The following CECR2 variants were observed in gnomAD, a reference collection of about 807,000 sequenced individuals.
CECR2 encodes the protein chromatin remodeling regulator CECR2.
A neutral mutation model predicts 154.5 loss-of-function variants in CECR2; 30 were observed. The ratio of observed to expected loss-of-function variants is 0.19; its 90% CI spans 0.15 to 0.26. CECR2 has a LOEUF of 0.26. Ranked by LOEUF, CECR2 falls within the 10% of genes least tolerant of loss-of-function variation. CECR2 has a pLI of 1.00. For synonymous variants in CECR2, 725 were observed against 683.7 expected, an observed-to-expected ratio of 1.06 and a Z score of -0.94; for missense variants, 1,743 against 1,829.3, an observed-to-expected ratio of 0.95 and a Z score of 0.86.
At position 17,549,350 on chromosome 22, in the gene CECR2, G is replaced by GC; in HGVS notation, c.4065dup (p.Ser1356GlnfsTer56). ...GCCTCCCTATACCCCTCAGCGGCCG[G>GC]CCAGTCACTTTCAGCCCAGGGCTTA... is the stretch of plus-strand genomic sequence containing the variant. On this transcript the variant is annotated frameshift_variant, in exon 17 of 19. Coordinates refer to ENST00000262608, the MANE Select transcript of CECR2 (RefSeq NM_001290047.2). LOFTEE classifies it high-confidence loss of function. The GC allele has an allele frequency of 6.2e-7, 1 of 1,613,906 alleles. No individual in the cohort carries two copies. Among genetic ancestry groups the GC allele is most frequent in the Non-Finnish European group, 8.5e-7 (1 of 1,179,870 alleles).
chr22:17,415,226 TCTC>T (rs916911321), intron 1 of CECR2, among the ~76,000 whole-genome samples: 8 of 151,980 alleles, frequency 5.3e-5, no homozygotes, highest in African/African-American at 1.7e-4. Context: ...CTTCTCTTCT[TCTC>T]CTTCTTTGTT....
Position 17,539,530 on chromosome 22 carries a change from G to A in CECR2, c.1495+411G>A, listed in dbSNP as rs187444478. ...CCTGTTGTGAGGTGGGGGAAGAGGGGAGGGATAGCATTAGGAGATACATAT... is the reference window on the plus strand; with the variant it reads ...CCTGTTGTGAGGTGGGGGAAGAGGGAAGGGATAGCATTAGGAGATACATAT... On this transcript the variant is annotated intron_variant, in intron 13 of 18. Coordinates refer to ENST00000262608, the MANE Select transcript of CECR2 (RefSeq NM_001290047.2). 2.0e-5 allele frequency among the ~76,000 whole-genome samples: 3 copies of A among 152,234 alleles called. No homozygotes were observed. The East Asian group carries it at 5.8e-4, about 29-fold the overall frequency.
chr22:17,482,272 A>T (rs1297003650), intron 2 of CECR2, among the ~76,000 whole-genome samples: 1 of 150,448 alleles, frequency 6.6e-6, no homozygotes, highest in Non-Finnish European at 1.5e-5. Context: ...AAAATACAAA[A>T]AATTAGCCGG....
At chr22:17,539,210 C>A (rs2056483809) in intron 13 of CECR2, 91 bp downstream of exon 13, 6 of 1,408,832 alleles carry the variant, frequency 4.3e-6, no homozygotes, top group Non-Finnish European at 5.9e-6. Flanking sequence ...AGTGCCTTTT[C>A]TGTAGGACAG....
rs367797204 is a variant in CECR2, at chr22:17,549,344, C to T, written c.4057C>T (p.Arg1353Trp). The stretch of plus-strand genomic sequence containing the variant: ...GACGGGGCCTCCCTATACCCCTCAG[C>T]GGCCGGCCAGTCACTTTCAGCCCAG... ...LQTGPPYTPQ[R>W]PASHFQPRAY... Residue 1353 changes from arginine to tryptophan, a missense_variant, in exon 17 of 19, where the codon CGG becomes TGG. By Grantham distance (101) the Arg-to-Trp change is moderately radical. Transcript: ENST00000262608. The T allele has an allele frequency of 1.5e-4, 239 of 1,613,804 alleles. No homozygotes were observed. The highest frequency in any genetic ancestry group is 1.9e-4 in the Non-Finnish European group (225 of 1,179,880).
chr22:17,550,286 T>C, intron 17 of CECR2: 1 of 187,914 alleles, frequency 5.3e-6, no homozygotes, highest in South Asian at 9.9e-5. Flanking sequence ...TAGCTGGGAT[T>C]ACAGGTGCCC....
At chr22:17,495,163 AC>A (rs1196123533) in intron 2 of CECR2, among the ~76,000 whole-genome samples, 2 of 152,148 alleles carry the variant, frequency 1.3e-5, no homozygotes, top group African/African-American at 4.8e-5. Context: ...ATAAGAAAAA[AC>A]TTTTCACATC....
rs945590182 is a variant in CECR2 at position 17,543,801 on chromosome 22, C to T, written c.2860+798C>T. Among the ~76,000 whole-genome samples the T allele has an allele frequency of 2.6e-5, 4 of 152,016 alleles. No individual in the cohort carries two copies. The East Asian group carries it at 5.8e-4, about 22-fold the overall frequency. On this transcript the variant is annotated intron_variant, in intron 16 of 18. Coordinates refer to ENST00000262608, the MANE Select transcript of CECR2 (RefSeq NM_001290047.2). ...TCTTGAACGTCTGACCTCAGGTGAT[C>T]GCCTGCCTTGGCCTCCCAAAGTGCT... is the stretch of plus-strand genomic sequence containing the variant.
In CECR2 at chr22:17,553,876, T is replaced by C. The variant is rs1475618903; in HGVS notation, c.*1036T>C. On this transcript the variant is annotated 3_prime_UTR_variant, in exon 19 of 19. Transcript: ENST00000262608. ...CACAGCTTTCTGGCACGAATCACAT[T>C]TTGTGGAAGTGACTACTCAGGTTTG... 6 of 152,210 alleles carry C rather than the reference T, an allele frequency of 3.9e-5. No individual in the cohort carries two copies. Among genetic ancestry groups the C allele is most frequent in the Non-Finnish European group, 1.5e-5 (1 of 68,032 alleles). 9.4% of individuals were successfully genotyped at this position (152,210 alleles called of 1,614,324 possible). A position where few individuals can be genotyped will look rare whatever the true frequency, so the allele number is the denominator to read the frequency against.
intron 1 of CECR2, among the ~76,000 whole-genome samples, chr22:17,393,843 CTGTT>C (rs1257158985): frequency 6.6e-6 from 1 of 150,698 alleles, no homozygotes; most frequent in Non-Finnish European, 1.5e-5. Context: ...AAAAAATGGG[CTGTT>C]TGTATTTTCA....
rs759976438 is a variant in CECR2, at chr22:17,477,556, G to C, written c.127-32G>C. 2.8e-6 allele frequency: 4 copies of C among 1,440,528 alleles called. No homozygotes were observed. The African/African-American group carries it at 5.6e-5, about 20-fold the overall frequency. 89.2% of individuals were successfully genotyped at this position (1,440,528 alleles called of 1,614,324 possible). On this transcript the variant is annotated intron_variant, in intron 1 of 18. Transcript: ENST00000262608. ...TGTGTATTTTAAGAAATCTCTGTTT[G>C]ATTTCTCAACTTCCCTCTCTCCCTC...
intron 1 of CECR2, among the ~76,000 whole-genome samples, chr22:17,393,767 T>C (rs1252531041): frequency 1.3e-5 from 2 of 152,230 alleles, no homozygotes; most frequent in Non-Finnish European, 1.5e-5. Context: ...TTGAGCACCT[T>C]TTCATGTGTT....
At chr22:17,481,883 G>A (rs1201965852) in intron 2 of CECR2, among the ~76,000 whole-genome samples, 2 of 151,926 alleles carry the variant, frequency 1.3e-5, no homozygotes, top group Admixed American at 6.6e-5. Context: ...TTGGGAGGCC[G>A]AGGCGGGCGG....
At position 17,400,959 on chromosome 22, in the gene CECR2, A is replaced by C. The variant is rs554417652; in HGVS notation, c.126+31050A>C. On this transcript the variant is annotated intron_variant, in intron 1 of 18. Coordinates refer to ENST00000262608, the MANE Select transcript of CECR2 (RefSeq NM_001290047.2). ...GTTGTTGTTGTTTGGTAGAGATGAG[A>C]TCTCACTATGTTGCTCAGACTGGTC... is the stretch of plus-strand genomic sequence containing the variant. Among the ~76,000 whole-genome samples, 7 of 152,108 alleles carry C rather than the reference A, an allele frequency of 4.6e-5. No individual in the cohort carries two copies. The South Asian group carries it at 1.5e-3, about 32-fold the overall frequency.
intron 1 of CECR2, among the ~76,000 whole-genome samples, chr22:17,373,745 C>G (rs2063086802): frequency 6.6e-6 from 1 of 152,108 alleles, no homozygotes; most frequent in Admixed American, 6.6e-5. Context: ...CATTAAGCCC[C>G]TACTTTGTGC....
intron 1 of CECR2, among the ~76,000 whole-genome samples, chr22:17,391,047 CATT>C (rs1156260502): frequency 6.6e-6 from 1 of 152,160 alleles, no homozygotes; most frequent in African/African-American, 2.4e-5. Flanking sequence ...TTGGCTGAAC[CATT>C]TGAAAGTAAG....
chr22:17,385,811 G>A (rs1000925412), intron 1 of CECR2, among the ~76,000 whole-genome samples: 1 of 152,230 alleles, frequency 6.6e-6, no homozygotes, highest in Non-Finnish European at 1.5e-5. Flanking sequence ...AACGAGGTGG[G>A]CCTGTATTAG....
chr22:17,385,044 C>T (rs2063242385), intron 1 of CECR2, among the ~76,000 whole-genome samples: 3 of 152,182 alleles, frequency 2.0e-5, no homozygotes, highest in Admixed American at 1.3e-4. Flanking sequence ...TCTGCAGTTT[C>T]CTCACCTTTC....
intron 1 of CECR2, chr22:17,428,395 T>G (rs1366833693): frequency 6.6e-6 from 1 of 152,204 alleles, no homozygotes; most frequent in Non-Finnish European, 1.5e-5. Flanking sequence ...TTTTTTTCTT[T>G]TTAGCGTTAG....
Sources: gnomAD v4.1 joint callset for allele counts (sites outside exome capture counted in the v4.1 genomes callset) on GRCh38, gnomAD v4.1.1 for gene constraint, MANE v1.5 for transcripts, NCBI Gene and HGNC (gene_info 2026-07-23, HGNC 2026-07-21) for gene names.